Variants in DAGLA observed in about 807,000 individuals in gnomAD.
DAGLA encodes the protein diacylglycerol lipase alpha, also known as diacylglycerol lipase-alpha.
Under a neutral mutation model 102.6 loss-of-function variants are expected in DAGLA, and 22 were observed. That is an observed-to-expected ratio of 0.21 (90% confidence interval 0.15 to 0.31). DAGLA has a LOEUF of 0.31. Among genes scored for constraint, DAGLA ranks in the 10% least tolerant of loss-of-function variants. DAGLA has a pLI of 1.00. For synonymous variants in DAGLA, 578 were observed against 628.9 expected (o/e 0.92, Z 1.21); for missense variants, 927 against 1,446.6 (o/e 0.64, Z 5.83).
At chr11:61,732,059 G>T (rs1315292290) in intron 9 of DAGLA, among the ~76,000 whole-genome samples, 5 of 152,186 alleles carry the variant, frequency 3.3e-5, no homozygotes, top group Non-Finnish European at 7.4e-5. Context: ...CCGCTTGGGG[G>T]CTGGGTGGAC....
chr11:61,714,167 G>C (rs2107617), intron 1 of DAGLA, among the ~76,000 whole-genome samples: 72,111 of 152,006 alleles, frequency 0.47, 17,733 homozygotes, highest in East Asian at 0.68. Context: ...TCATCCTCCC[G>C]GCCCTCAATT....
At chr11:61,690,590 T>A in intron 1 of DAGLA, among the ~76,000 whole-genome samples, 1 of 152,104 alleles carries the variant, frequency 6.6e-6, no homozygotes, top group South Asian at 2.1e-4. Flanking sequence ...ATGGCACCCA[T>A]GGAGGAAGCA....
chr11:61,729,203 G>A (rs536263896), intron 8 of DAGLA, among the ~76,000 whole-genome samples, 195 bp downstream of exon 8: 133 of 152,338 alleles, frequency 8.7e-4, no homozygotes, highest in Middle Eastern at 3.4e-3. Context: ...ACACCGGTTC[G>A]ACAGACAAAT....
Position 61,684,644 on chromosome 11 carries a change from G to C in DAGLA, c.-45+4140G>C, listed in dbSNP as rs1484298356. ...TTGGCAGGAACGCCTAAGTCCTCTA[G>C]ATGGGGATGGGGCTGTTATTACCGC... On this transcript the variant is annotated intron_variant, in intron 1 of 19. Transcript: ENST00000257215. The surrounding 1 kb of genome is among the most constrained non-coding windows in gnomAD (Gnocchi z 4.5). Among the ~76,000 whole-genome samples, 1 of 152,300 alleles carries C rather than the reference G, an allele frequency of 6.6e-6. No individual in the cohort carries two copies. The highest frequency in any genetic ancestry group is 3.4e-3 in the Middle Eastern group (1 of 294).
Position 61,738,067 on chromosome 11 carries a change from C to G in DAGLA, c.1584-68C>G, listed in dbSNP as rs181924336. On this transcript the variant is annotated intron_variant, in intron 15 of 19. Coordinates refer to ENST00000257215, the MANE Select transcript of DAGLA (RefSeq NM_006133.3). ...CTAGGCGTGTGCCTGCCCCTCCGCCCCTGGCCCCATACCTCTCATAGCCGC... is the reference window on the plus strand; with the variant it reads ...CTAGGCGTGTGCCTGCCCCTCCGCCGCTGGCCCCATACCTCTCATAGCCGC... 225 of 1,321,690 alleles carry G rather than the reference C, an allele frequency of 1.7e-4. No homozygotes were observed. The African/African-American group carries it at 2.9e-3, about 17-fold the overall frequency. 81.9% of individuals were successfully genotyped at this position (1,321,690 alleles called of 1,614,324 possible).
In DAGLA at chr11:61,743,613, C is replaced by T. The variant is rs945211016; in HGVS notation, c.2253C>T (p.Arg751=). 7 of 1,585,332 alleles carry T rather than the reference C, an allele frequency of 4.4e-6. No homozygotes were observed. In the African/African-American group the frequency reaches 8.1e-5, roughly 18 times the overall value. Residue 751 remains arginine, a synonymous_variant, in exon 20 of 20, where the codon CGC becomes CGT. Transcript: ENST00000257215. ...CGCCAGTGGTTGCGGCGGCGGCCCG[C>T]CAGGACCCGGTGGAGCTGCTGCTGC... is the stretch of plus-strand genomic sequence containing the variant. ...LLSPVVAAAA[R]QDPVELLLLS... is the part of the protein sequence containing the mutation.
At chr11:61,732,876 A>T (rs2065387963) in intron 9 of DAGLA, among the ~76,000 whole-genome samples, 3 of 152,114 alleles carry the variant, frequency 2.0e-5, no homozygotes, top group Admixed American at 2.0e-4. Flanking sequence ...TTCTCAGCCC[A>T]TGCAGAGCAC....
intron 17 of DAGLA, 33 bp from the exon 18 acceptor site, chr11:61,740,430 C>T (rs2065467520): frequency 6.2e-7 from 1 of 1,607,172 alleles, no homozygotes; most frequent in Admixed American, 1.7e-5. Context: ...CACCACCCCA[C>T]CCTTAACTCC....
chr11:61,706,438 T>C (rs914054995), intron 1 of DAGLA, among the ~76,000 whole-genome samples: 3 of 152,176 alleles, frequency 2.0e-5, no homozygotes, highest in Non-Finnish European at 4.4e-5. Flanking sequence ...TGGAGGAAGC[T>C]CTAGGTTTGG....
intron 1 of DAGLA, among the ~76,000 whole-genome samples, chr11:61,682,396 G>C (rs543298707): frequency 6.6e-6 from 1 of 152,170 alleles, no homozygotes; most frequent in African/African-American, 2.4e-5. Context: ...CCTGTCATAG[G>C]GAATTAGAGG....
intron 10 of DAGLA, 118 bp downstream of exon 10, chr11:61,735,120 A>G: frequency 8.1e-7 from 1 of 1,227,068 alleles, no homozygotes; most frequent in Non-Finnish European, 1.2e-6. Flanking sequence ...GGCTGGCTGC[A>G]GCTTCCAGGC....
At chr11:61,708,059 G>A (rs2065164357) in intron 1 of DAGLA, among the ~76,000 whole-genome samples, 1 of 152,098 alleles carries the variant, frequency 6.6e-6, no homozygotes, top group South Asian at 2.1e-4. Context: ...CCAGGCTGGA[G>A]TGCAGTGACG....
At position 61,698,349 on chromosome 11, in the gene DAGLA, G is replaced by A. The variant is rs139639018; in HGVS notation, c.-45+17845G>A. On this transcript the variant is annotated intron_variant, in intron 1 of 19. Coordinates refer to ENST00000257215, the MANE Select transcript of DAGLA (RefSeq NM_006133.3). Reference sequence around the variant, plus strand: ...GCTGGGAGACCTCAGAATGAGGAGCGCATGTTCTCCAAACATCTTGCTCAC... The same window carrying A: ...GCTGGGAGACCTCAGAATGAGGAGCACATGTTCTCCAAACATCTTGCTCAC... Among the ~76,000 whole-genome samples, 7 of 152,358 alleles carry A rather than the reference G, an allele frequency of 4.6e-5. No homozygotes were observed. The East Asian group carries it at 9.6e-4, about 21-fold the overall frequency.
chr11:61,696,423 T>A (rs1856299569), intron 1 of DAGLA, among the ~76,000 whole-genome samples: 2 of 152,006 alleles, frequency 1.3e-5, no homozygotes, highest in African/African-American at 4.8e-5. Flanking sequence ...CACCCCCACT[T>A]CCCAGCGGGG....
At chr11:61,732,681 A>C (rs1226827517) in intron 9 of DAGLA, among the ~76,000 whole-genome samples, 1 of 152,030 alleles carries the variant, frequency 6.6e-6, no homozygotes, top group East Asian at 1.9e-4. Flanking sequence ...CCTAGACCTC[A>C]TGAGGGCCCA....
chr11:61,738,782 C>A (rs777484145), intron 16 of DAGLA, among the ~76,000 whole-genome samples: 1 of 152,112 alleles, frequency 6.6e-6, no homozygotes, highest in Non-Finnish European at 1.5e-5. Context: ...GGCAGGCCAG[C>A]GCAGGAGGAG....
chr11:61,692,276 C>T (rs934327065), intron 1 of DAGLA, among the ~76,000 whole-genome samples: 4 of 152,136 alleles, frequency 2.6e-5, no homozygotes, highest in Non-Finnish European at 4.4e-5. Flanking sequence ...ACATCAGAAT[C>T]GCTGGGAGGG....
rs1441766635 is a variant in DAGLA at position 61,741,152 on chromosome 11, C to T, written c.1984-10C>T. The T allele has an allele frequency of 6.2e-7, 1 of 1,609,270 alleles. No homozygotes were observed. The highest frequency in any genetic ancestry group is 8.5e-7 in the Non-Finnish European group (1 of 1,178,912). On this transcript the variant is annotated splice_polypyrimidine_tract_variant and intron_variant, in intron 18 of 19. Coordinates refer to ENST00000257215, the MANE Select transcript of DAGLA (RefSeq NM_006133.3). ...TCCACCACCCCCAGCCTCCTCTGTC[C>T]TGTCCTCAGGTGCTGGAGAACTACA...
rs367930952 is a variant in DAGLA at position 61,720,267 on chromosome 11, G to T, written c.95+17G>T. The T allele has an allele frequency of 1.2e-6, 2 of 1,608,292 alleles. No homozygotes were observed. The stretch of plus-strand genomic sequence containing the variant: ...TACCACCTGGTGAGTCCCCAGGCCC[G>T]GGGCCACAGGCCTGGGTTTGGAGAG... On this transcript the variant is annotated intron_variant, in intron 2 of 19. Transcript: ENST00000257215.
Sources: gnomAD v4.1 joint callset for allele counts (sites outside exome capture counted in the v4.1 genomes callset) on GRCh38, gnomAD v4.1.1 for gene constraint, Gnocchi (gnomAD v3.1) non-coding constraint, MANE v1.5 for transcripts, NCBI Gene and HGNC (gene_info 2026-07-23, HGNC 2026-07-21) for gene names.